Variants in MAP3K13 observed in about 807,000 individuals in gnomAD.
MAP3K13 encodes leucine zipper-bearing kinase.
A neutral mutation model predicts 104.0 loss-of-function variants in MAP3K13; 52 were observed. The observed-to-expected ratio is 0.50, with a 90% CI of 0.40 to 0.63. The LOEUF (loss-of-function observed/expected upper bound fraction) is 0.63, where lower values mean the gene tolerates loss of function less well. Among genes scored for constraint, MAP3K13 ranks in the 20% least tolerant of loss-of-function variants. The pLI is 0.00. For synonymous variants in MAP3K13, 394 were observed against 442.2 expected (o/e 0.89, Z 1.37); for missense variants, 914 against 1,218.5 (o/e 0.75, Z 3.72).
intron 7 of MAP3K13, among the ~76,000 whole-genome samples, chr3:185,460,959 G>C (rs945882049): frequency 6.6e-6 from 1 of 152,116 alleles, no homozygotes; most frequent in Non-Finnish European, 1.5e-5. Flanking sequence ...TATTTTAGTA[G>C]GATACAGTGA....
chr3:185,322,198 C>T (rs925144781), intron 2 of MAP3K13, among the ~76,000 whole-genome samples: 6 of 152,120 alleles, frequency 3.9e-5, no homozygotes, highest in Non-Finnish European at 5.9e-5. Flanking sequence ...TTGAGGAGCA[C>T]GTTAAGTGGA....
At chr3:185,330,191 G>A (rs1336114458) in intron 2 of MAP3K13, among the ~76,000 whole-genome samples, 2 of 151,160 alleles carry the variant, frequency 1.3e-5, no homozygotes, top group Admixed American at 6.6e-5. Context: ...GTGAGCCACC[G>A]CGCCCGGCCT....
At chr3:185,286,854 G>T (rs1720531991) in intron 2 of MAP3K13, among the ~76,000 whole-genome samples, 1 of 151,808 alleles carries the variant, frequency 6.6e-6, no homozygotes, top group Non-Finnish European at 1.5e-5. Context: ...ATTTCTGCTG[G>T]GTTGATTTTT....
intron 1 of MAP3K13, among the ~76,000 whole-genome samples, chr3:185,384,320 G>GTGTT (rs1233295376): frequency 2.0e-5 from 3 of 151,884 alleles, no homozygotes; most frequent in African/African-American, 7.2e-5. Context: ...GTGTGTGTGT[G>GTGTT]TGTGTGTGTG....
chr3:185,291,848 G>A (rs1369542137), intron 2 of MAP3K13: 15 of 1,262,230 alleles, frequency 1.2e-5, no homozygotes, highest in Non-Finnish European at 1.5e-5. Context: ...TGGCCTCTAG[G>A]GTCCTTCATA....
intron 2 of MAP3K13, among the ~76,000 whole-genome samples, chr3:185,304,072 G>C (rs936734037): frequency 1.3e-5 from 2 of 152,062 alleles, no homozygotes; most frequent in African/African-American, 4.8e-5. Flanking sequence ...TTTCTTGTTT[G>C]ACCAATTAGT....
At chr3:185,283,414 G>T (rs945942015) in intron 1 of MAP3K13, among the ~76,000 whole-genome samples, 21 of 152,224 alleles carry the variant, frequency 1.4e-4, no homozygotes, top group African/African-American at 5.1e-4. Context: ...TCGACTTTTT[G>T]TCTCTTAACT....
chr3:185,316,912 A>G (rs932209195), intron 2 of MAP3K13, among the ~76,000 whole-genome samples: 1 of 152,212 alleles, frequency 6.6e-6, no homozygotes, highest in Non-Finnish European at 1.5e-5. Context: ...TTGATCCTAT[A>G]ATTATTATGA....
chr3:185,437,760 GA>G, intron 3 of MAP3K13, 130 bp downstream of exon 3: 2 of 857,248 alleles, frequency 2.3e-6, no homozygotes, highest in Non-Finnish European at 3.5e-6. Flanking sequence ...GGTGCTTTGG[GA>G]GGGTATCAAG....
At chr3:185,443,720 A>C in intron 4 of MAP3K13, 84 bp downstream of exon 4, 1 of 1,138,948 alleles carries the variant, frequency 8.8e-7, no homozygotes, top group South Asian at 1.4e-5. Context: ...TGACGTTTTC[A>C]GACATCATAC....
chr3:185,421,017 T>C (rs1169369585), intron 1 of MAP3K13, among the ~76,000 whole-genome samples: 1 of 152,190 alleles, frequency 6.6e-6, no homozygotes, highest in Non-Finnish European at 1.5e-5. Context: ...ACTCAGAAGG[T>C]AGGGAAAGTG....
intron 7 of MAP3K13, among the ~76,000 whole-genome samples, chr3:185,455,574 A>ATATATATGACATATATCT (rs1716553686): frequency 1.7e-4 from 1 of 5,910 alleles, no homozygotes; most frequent in African/African-American, 3.7e-4. Context: ...GATATATATG[A>ATATATATGACATATATCT]CATATATATG....
intron 2 of MAP3K13, among the ~76,000 whole-genome samples, chr3:185,306,045 C>A (rs1175839045): frequency 2.6e-5 from 4 of 152,160 alleles, no homozygotes; most frequent in African/African-American, 7.2e-5. Flanking sequence ...GGTTTTCTAT[C>A]CTTGTGTTAA....
intron 2 of MAP3K13, among the ~76,000 whole-genome samples, chr3:185,355,266 G>GT (rs1194030769): frequency 6.6e-6 from 1 of 152,118 alleles, no homozygotes; most frequent in African/African-American, 2.4e-5. Context: ...GAGGTCAGGA[G>GT]TTTGAGACTG....
At chr3:185,308,764 G>C (rs1721394437) in intron 2 of MAP3K13, among the ~76,000 whole-genome samples, 1 of 152,188 alleles carries the variant, frequency 6.6e-6, no homozygotes, top group Non-Finnish European at 1.5e-5. Flanking sequence ...CCCTTCTGAT[G>C]AGAAGATGCA....
chr3:185,349,040 A>G (rs1723039802), intron 2 of MAP3K13, among the ~76,000 whole-genome samples: 1 of 152,228 alleles, frequency 6.6e-6, no homozygotes, highest in Admixed American at 6.5e-5. Context: ...TTTCAAAGGC[A>G]GAGAAATCAG....
At chr3:185,468,258 C>T (rs759372261) in intron 10 of MAP3K13, among the ~76,000 whole-genome samples, 1 of 152,084 alleles carries the variant, frequency 6.6e-6, no homozygotes, top group Non-Finnish European at 1.5e-5. Flanking sequence ...CATATGGGTT[C>T]CCCTCATTGT....
chr3:185,283,302 A>G (rs1720375693), intron 1 of MAP3K13, among the ~76,000 whole-genome samples: 1 of 152,104 alleles, frequency 6.6e-6, no homozygotes, highest in African/African-American at 2.4e-5. Flanking sequence ...TGGGTTTCCG[A>G]TCACTGGCGC....
chr3:185,452,519 G>A (rs1715951041), intron 7 of MAP3K13, among the ~76,000 whole-genome samples: 1 of 152,196 alleles, frequency 6.6e-6, no homozygotes, highest in African/African-American at 2.4e-5. Context: ...TTACAGGCAT[G>A]AGCCATTGCC....
Sources: gnomAD v4.1 joint callset for allele counts (sites outside exome capture counted in the v4.1 genomes callset) on GRCh38, gnomAD v4.1.1 for gene constraint, MANE v1.5 for transcripts, NCBI Gene and HGNC (gene_info 2026-07-23, HGNC 2026-07-21) for gene names.